Variants in ST3GAL6 observed in about 807,000 individuals in gnomAD.
ST3GAL6 encodes the protein type 2 lactosamine alpha-2,3-sialyltransferase.
ST3GAL6 carries 31 observed loss-of-function variants against 40.5 expected under a neutral mutation model. The observed-to-expected ratio is 0.77, with a 90% CI of 0.58 to 1.03. ST3GAL6 has a LOEUF of 1.03. Among genes scored for constraint, ST3GAL6 ranks in the 50% least tolerant of loss-of-function variants. The pLI, the probability that ST3GAL6 is intolerant of heterozygous loss-of-function variation, is 0.00. For missense variants in ST3GAL6, 357 were observed against 393.2 expected (o/e 0.91, Z 0.78); for synonymous variants, 129 against 136.9 (o/e 0.94, Z 0.40).
chr3:98,750,699 C>A (rs1213644317), intron 1 of ST3GAL6, among the ~76,000 whole-genome samples: 1 of 152,028 alleles, frequency 6.6e-6, no homozygotes, highest in East Asian at 1.9e-4. Flanking sequence ...GTTTGTTAAG[C>A]ACTGCTCTGC....
chr3:98,771,289 C>T, intron 3 of ST3GAL6: 1 of 602,024 alleles, frequency 1.7e-6, no homozygotes. Context: ...TATTTTCCAC[C>T]CTTATTAATT....
intron 1 of ST3GAL6, among the ~76,000 whole-genome samples, chr3:98,739,138 C>A (rs940091783): frequency 6.6e-6 from 1 of 152,164 alleles, no homozygotes; most frequent in Non-Finnish European, 1.5e-5. Flanking sequence ...GAAATCAGTT[C>A]TCTGAAACTA....
chr3:98,739,329 A>G (rs1239182711), intron 1 of ST3GAL6, among the ~76,000 whole-genome samples: 1 of 152,136 alleles, frequency 6.6e-6, no homozygotes, highest in Non-Finnish European at 1.5e-5. Context: ...CTAGCAGAAG[A>G]TGAGAAATAA....
rs112795568 is a variant in ST3GAL6 at position 98,751,084 on chromosome 3, C to T, written c.-11-17346C>T. ...TGAGATGGAGTCTCGCTCTGTTGCCCAGGCTGAAATTCAGTGACATGATCT... is the reference window on the plus strand; with the variant it reads ...TGAGATGGAGTCTCGCTCTGTTGCCTAGGCTGAAATTCAGTGACATGATCT... On this transcript the variant is annotated intron_variant, in intron 1 of 9. Transcript: ENST00000265261. Among the ~76,000 whole-genome samples the T allele has an allele frequency of 6.5e-3, 975 of 151,156 alleles. 13 individuals are homozygous for T. Among genetic ancestry groups the T allele is most frequent in the African/African-American group, 0.023 (933 of 41,098 alleles).
intron 5 of ST3GAL6, among the ~76,000 whole-genome samples, chr3:98,777,572 T>G (rs1939675952): frequency 6.6e-6 from 1 of 152,226 alleles, no homozygotes; most frequent in Admixed American, 6.5e-5. Context: ...AAACATGATT[T>G]TAACAGATGA....
At chr3:98,768,310 A>AT (rs1938600566) in intron 1 of ST3GAL6, 120 bp from the exon 2 acceptor site, 3 of 756,480 alleles carry the variant, frequency 4.0e-6, no homozygotes, top group South Asian at 1.5e-5. Context: ...TGCCCACATC[A>AT]TTTTTTTCTA....
intron 1 of ST3GAL6, among the ~76,000 whole-genome samples, chr3:98,738,573 C>T (rs28810772): frequency 0.011 from 1,718 of 152,262 alleles, 40 homozygotes; most frequent in African/African-American, 0.039. Flanking sequence ...CCACTGTGCC[C>T]AAACTCAGGT....
chr3:98,781,473 A>AT (rs916204542), intron 5 of ST3GAL6, among the ~76,000 whole-genome samples: 7 of 120,466 alleles, frequency 5.8e-5, no homozygotes, highest in South Asian at 2.5e-4. Context: ...AACTTAAAGT[A>AT]TAAAAAAAAA....
At chr3:98,759,250 G>C (rs180817185), upstream of ST3GAL6, among the ~76,000 whole-genome samples, 37 of 152,236 alleles carry the variant, frequency 2.4e-4, 1 homozygote, top group Admixed American at 1.2e-3. Context: ...CATGGGTTTA[G>C]GAAACAGGAT....
chr3:98,791,075 A>G (rs74827026), intron 8 of ST3GAL6, among the ~76,000 whole-genome samples: 2,202 of 152,304 alleles, frequency 0.014, 54 homozygotes, highest in African/African-American at 0.051. Flanking sequence ...AGTGTTATGT[A>G]AAAAGCTTAA....
At chr3:98,738,908 A>G (rs1935814441) in intron 1 of ST3GAL6, among the ~76,000 whole-genome samples, 1 of 152,198 alleles carries the variant, frequency 6.6e-6, no homozygotes, top group South Asian at 2.1e-4. Flanking sequence ...CATTCTTCTC[A>G]TCTGCACATG....
intron 3 of ST3GAL6, among the ~76,000 whole-genome samples, chr3:98,771,457 C>G (rs910762744): frequency 3.3e-5 from 5 of 152,032 alleles, no homozygotes; most frequent in African/African-American, 7.3e-5. Flanking sequence ...AAAGAATTTA[C>G]TCTTCTATTC....
intron 6 of ST3GAL6, 80 bp from the exon 7 acceptor site, chr3:98,787,956 T>G: frequency 7.5e-7 from 1 of 1,329,610 alleles, no homozygotes; most frequent in Middle Eastern, 2.7e-4. Context: ...TTTGTCCAAC[T>G]CTGAAACCTC....
At chr3:98,792,035 T>G (rs199536222) in intron 9 of ST3GAL6, 42 bp downstream of exon 9, 3 of 1,487,188 alleles carry the variant, frequency 2.0e-6, no homozygotes, top group Admixed American at 4.3e-5. Flanking sequence ...TGCTTTGGAC[T>G]AATCTTTGAG....
At chr3:98,786,828 T>C (rs373790716) in intron 6 of ST3GAL6, among the ~76,000 whole-genome samples, 192 of 152,050 alleles carry the variant, frequency 1.3e-3, no homozygotes, top group African/African-American at 4.4e-3. Flanking sequence ...TGTTTCATAA[T>C]GGAAAGGAGA....
upstream of ST3GAL6, chr3:98,762,944 G>A (rs572524513): frequency 8.1e-6 from 8 of 985,456 alleles, no homozygotes; most frequent in Non-Finnish European, 9.6e-6. Context: ...GATCATCGCT[G>A]CCAGAGGTTG....
intron 1 of ST3GAL6, chr3:98,733,607 T>G: frequency 3.0e-6 from 3 of 985,260 alleles, no homozygotes; most frequent in Non-Finnish European, 3.6e-6. Context: ...TAAATTGCAG[T>G]GTTTGGGCTG....
At chr3:98,781,490 T>A (rs1473478310) in intron 5 of ST3GAL6, among the ~76,000 whole-genome samples, 3 of 136,468 alleles carry the variant, frequency 2.2e-5, no homozygotes, top group Non-Finnish European at 4.8e-5. Flanking sequence ...AAAAAAAAAA[T>A]AGACTGAGCT....
chr3:98,746,900 G>A (rs899476445), intron 1 of ST3GAL6, among the ~76,000 whole-genome samples: 11 of 152,062 alleles, frequency 7.2e-5, no homozygotes, highest in Non-Finnish European at 1.3e-4. Context: ...ATGTCTTTGA[G>A]GTAACATTTG....
Sources: gnomAD v4.1 joint callset for allele counts (sites outside exome capture counted in the v4.1 genomes callset) on GRCh38, gnomAD v4.1.1 for gene constraint, MANE v1.5 for transcripts, NCBI Gene and HGNC (gene_info 2026-07-23, HGNC 2026-07-21) for gene names.